SRBD1: variants seen among roughly 807,000 people sequenced by gnomAD.
SRBD1 encodes the protein S1 RNA binding domain 1.
A neutral mutation model predicts 115.3 loss-of-function variants in SRBD1; 88 were observed. The ratio of observed to expected loss-of-function variants is 0.76; its 90% CI spans 0.64 to 0.91. The LOEUF (loss-of-function observed/expected upper bound fraction) is 0.91. SRBD1 is among the 40% of genes least tolerant of loss of function. The pLI is 0.00. For synonymous variants in SRBD1, 509 were observed against 407.7 expected (o/e 1.25, Z -2.99); for missense variants, 1,385 against 1,177.4 (o/e 1.18, Z -2.58).
chr2:45,396,378 A>G (rs967123122), intron 19 of SRBD1, among the ~76,000 whole-genome samples: 1 of 152,214 alleles, frequency 6.6e-6, no homozygotes, highest in African/African-American at 2.4e-5. Context: ...ATGCTTTTAA[A>G]TAGACAATTC....
intron 7 of SRBD1, among the ~76,000 whole-genome samples, chr2:45,575,408 TGA>T (rs572781613): frequency 6.6e-6 from 1 of 152,256 alleles, no homozygotes; most frequent in African/African-American, 2.4e-5. Flanking sequence ...CAACTTACAC[TGA>T]GAGAGATCAT....
intron 7 of SRBD1, among the ~76,000 whole-genome samples, chr2:45,575,771 T>C (rs1198704019): frequency 6.6e-6 from 1 of 152,206 alleles, no homozygotes; most frequent in Non-Finnish European, 1.5e-5. Context: ...TGGTGCGATC[T>C]TGGCTCACTG....
intron 20 of SRBD1, 141 bp downstream of exon 20, chr2:45,392,804 T>C: frequency 1.1e-6 from 1 of 882,618 alleles, no homozygotes; most frequent in Admixed American, 2.8e-5. Flanking sequence ...TGAAGGAAGA[T>C]CACCATGCTT....
At chr2:45,562,958 T>C (rs894137655) in intron 9 of SRBD1, among the ~76,000 whole-genome samples, 8 of 152,290 alleles carry the variant, frequency 5.3e-5, no homozygotes, top group East Asian at 1.9e-4. Context: ...GAAAATAAAA[T>C]GCAGATACAA....
At chr2:45,583,532 C>T (rs911864019) in intron 5 of SRBD1, among the ~76,000 whole-genome samples, 2 of 152,170 alleles carry the variant, frequency 1.3e-5, no homozygotes, top group East Asian at 1.9e-4. Context: ...ACCCAGTATA[C>T]ATACATATAG....
At chr2:45,560,718 T>C (rs145101763) in intron 10 of SRBD1, among the ~76,000 whole-genome samples, 28 of 152,304 alleles carry the variant, frequency 1.8e-4, no homozygotes, top group African/African-American at 6.5e-4. Flanking sequence ...AATTTCCTAA[T>C]TTTTTAAATC....
intron 14 of SRBD1, among the ~76,000 whole-genome samples, chr2:45,530,093 T>C (rs1671567106): frequency 6.6e-6 from 1 of 151,990 alleles, no homozygotes; most frequent in Non-Finnish European, 1.5e-5. Context: ...TAGTCCTAGA[T>C]TGAGGAAAAC....
Position 45,422,886 on chromosome 2 carries a change from A to C in SRBD1, c.2050-2992T>G, listed in dbSNP as rs191001455. Among the ~76,000 whole-genome samples, 9 of 152,332 alleles carry C rather than the reference A, an allele frequency of 5.9e-5. No homozygotes were observed. In the East Asian group the frequency reaches 1.5e-3, roughly 26 times the overall value. On this transcript the variant is annotated intron_variant, in intron 16 of 20. Coordinates refer to ENST00000263736, the MANE Select transcript of SRBD1 (RefSeq NM_018079.5). ...TTTAGTATAAGCAGTCCTTAAAATG[A>C]ATCACTCTATACTCAGAAGAAAAAA...
chr2:45,550,825 G>A (rs1485828458), intron 12 of SRBD1, among the ~76,000 whole-genome samples: 1 of 152,162 alleles, frequency 6.6e-6, no homozygotes, highest in Non-Finnish European at 1.5e-5. Context: ...ATATATAAAT[G>A]CATCACAATA....
chr2:45,521,286 AACACACACACACAC>A (rs71394840), intron 14 of SRBD1, among the ~76,000 whole-genome samples: 2 of 146,428 alleles, frequency 1.4e-5, no homozygotes, highest in South Asian at 2.2e-4. Flanking sequence ...CAAAAAGGAA[AACACACACACACAC>A]ACACACACAC....
At chr2:45,570,718 G>C (rs1672980018) in intron 9 of SRBD1, among the ~76,000 whole-genome samples, 1 of 152,194 alleles carries the variant, frequency 6.6e-6, no homozygotes, top group Non-Finnish European at 1.5e-5. Context: ...AGTGGCCTCT[G>C]AAGATGACAG....
At chr2:45,539,977 GAA>G (rs1316404151) in intron 14 of SRBD1, among the ~76,000 whole-genome samples, 2 of 152,048 alleles carry the variant, frequency 1.3e-5, no homozygotes, top group Non-Finnish European at 2.9e-5. Context: ...ATATAGCCAG[GAA>G]AAAAGTGACA....
In SRBD1 at chr2:45,579,991, C is replaced by A; in HGVS notation, c.956G>T (p.Ser319Ile). The stretch of plus-strand genomic sequence containing the variant: ...TGCTCTCTGGGCTTTAGTCCCTTTG[C>A]TTCCAGTTTTATATGGAGCAGACTA... ...EHVSAPYKTG[S>I]KGTKAQRARQ... Residue 319 changes from serine (S) to isoleucine (I), a missense_variant, in exon 7 of 21, where the codon AGC becomes ATC. By Grantham distance (142) the Ser-to-Ile change is moderately radical. Transcript: ENST00000263736. 1 of 1,587,956 alleles carries A rather than the reference C, an allele frequency of 6.3e-7. No homozygotes were observed. The highest frequency in any genetic ancestry group is 8.5e-7 in the Non-Finnish European group (1 of 1,170,142).
chr2:45,607,081 TAGAC>T (rs1363714508), intron 1 of SRBD1, among the ~76,000 whole-genome samples: 1 of 152,248 alleles, frequency 6.6e-6, no homozygotes, highest in Non-Finnish European at 1.5e-5. Context: ...CTGCAGGAAG[TAGAC>T]AGGATAATCT....
chr2:45,401,653 T>C (rs1157425193), intron 19 of SRBD1, among the ~76,000 whole-genome samples: 1 of 152,216 alleles, frequency 6.6e-6, no homozygotes, highest in African/African-American at 2.4e-5. Context: ...TTTTTATCAT[T>C]GCAGGAGTTA....
chr2:45,407,541 C>T (rs150025959), intron 19 of SRBD1, among the ~76,000 whole-genome samples: 1 of 152,198 alleles, frequency 6.6e-6, no homozygotes, highest in East Asian at 1.9e-4. Context: ...GCATAATCAC[C>T]TCTATTCATT....
At chr2:45,513,769 C>T (rs12712944) in intron 14 of SRBD1, among the ~76,000 whole-genome samples, 1 of 151,862 alleles carries the variant, frequency 6.6e-6, no homozygotes, top group African/African-American at 2.4e-5. Flanking sequence ...AATGTAAATT[C>T]GGTCTTGTTC....
intron 7 of SRBD1, among the ~76,000 whole-genome samples, chr2:45,579,040 C>A (rs1436185665): frequency 6.6e-6 from 1 of 151,912 alleles, no homozygotes; most frequent in Non-Finnish European, 1.5e-5. Context: ...TAGAGACCAC[C>A]AAAACATCAA....
chr2:45,581,603 C>T, intron 6 of SRBD1, 90 bp downstream of exon 6: 1 of 889,708 alleles, frequency 1.1e-6, no homozygotes, highest in Non-Finnish European at 1.8e-6. Flanking sequence ...ATGACGTTAG[C>T]TTTTTATTTC....
Sources: gnomAD v4.1 joint callset for allele counts (sites outside exome capture counted in the v4.1 genomes callset) on GRCh38, gnomAD v4.1.1 for gene constraint, MANE v1.5 for transcripts, NCBI Gene and HGNC (gene_info 2026-07-23, HGNC 2026-07-21) for gene names.